The following CDH13 variants were observed in gnomAD, a reference collection of about 807,000 sequenced individuals.
CDH13 encodes cadherin 13.
Under a neutral mutation model 63.8 loss-of-function variants are expected in CDH13, and 24 were observed. The observed-to-expected ratio is 0.38, with a 90% CI of 0.27 to 0.53. The LOEUF (loss-of-function observed/expected upper bound fraction) is 0.53. CDH13 is among the 20% of genes least tolerant of loss of function. The probability of loss-of-function intolerance (pLI) is 0.85; values close to 1 mark genes in which losing one functional copy is unlikely to be tolerated. For missense variants in CDH13, 1,049 were observed against 903.1 expected (o/e 1.16, Z -2.07); for synonymous variants, 503 against 355.3 (o/e 1.42, Z -4.67).
At chr16:82,716,051 T>C (rs909471608) in intron 1 of CDH13, among the ~76,000 whole-genome samples, 3 of 152,292 alleles carry the variant, frequency 2.0e-5, no homozygotes, top group Non-Finnish European at 4.4e-5. Context: ...TAAAGTCGGA[T>C]AAGGAAATGA....
At chr16:82,874,143 A>C (rs1353972170) in intron 2 of CDH13, among the ~76,000 whole-genome samples, 1 of 152,130 alleles carries the variant, frequency 6.6e-6, no homozygotes. Context: ...AAAACATATG[A>C]ATGTTTACCC....
intron 5 of CDH13, among the ~76,000 whole-genome samples, chr16:83,221,173 A>G (rs1261433975): frequency 6.6e-6 from 1 of 152,218 alleles, no homozygotes; most frequent in Non-Finnish European, 1.5e-5. Context: ...TTTTATATCT[A>G]ATCTGCAAAT....
At chr16:83,100,035 G>A (rs1458238314) in intron 3 of CDH13, among the ~76,000 whole-genome samples, 2 of 152,084 alleles carry the variant, frequency 1.3e-5, no homozygotes, top group African/African-American at 4.8e-5. Context: ...ACACAATTTA[G>A]CATCTCGATG....
intron 6 of CDH13, among the ~76,000 whole-genome samples, chr16:83,372,687 G>A (rs563424845): frequency 1.3e-4 from 20 of 150,204 alleles, no homozygotes; most frequent in African/African-American, 4.7e-4. Context: ...GGGAGGCAGA[G>A]GTTGCAGTGA....
intron 8 of CDH13, among the ~76,000 whole-genome samples, chr16:83,627,239 G>A (rs947595830): frequency 6.6e-6 from 1 of 152,034 alleles, no homozygotes; most frequent in Non-Finnish European, 1.5e-5. Flanking sequence ...GCAGTGAGCC[G>A]AGATTGTGCG....
At chr16:83,593,236 A>T (rs1598343192) in intron 7 of CDH13, among the ~76,000 whole-genome samples, 1 of 152,222 alleles carries the variant, frequency 6.6e-6, no homozygotes, top group African/African-American at 2.4e-5. Context: ...ATTCCATTAC[A>T]TCTTTGCTAT....
intron 1 of CDH13, among the ~76,000 whole-genome samples, chr16:82,771,821 G>T (rs910784597): frequency 1.3e-5 from 2 of 152,252 alleles, no homozygotes; most frequent in East Asian, 3.8e-4. Context: ...GTCATCTCAA[G>T]CGAAGTTCCA....
Position 83,372,549 on chromosome 16 carries a change from T to A in CDH13, c.781+27543T>A, listed in dbSNP as rs138515672. Among the ~76,000 whole-genome samples, 767 of 151,972 alleles carry A rather than the reference T, an allele frequency of 5.0e-3. 6 individuals are homozygous for A. The highest frequency in any genetic ancestry group is 0.017 in the African/African-American group (706 of 41,438). On this transcript the variant is annotated intron_variant, in intron 6 of 13. Coordinates refer to ENST00000567109, the MANE Select transcript of CDH13 (RefSeq NM_001257.5). ...CAGGTGGACCACGAGGTCAAGAGAT[T>A]GAGACCATCCTGGCCAACATGGTGA...
chr16:82,906,878 T>G (rs541541487), intron 2 of CDH13, among the ~76,000 whole-genome samples: 3 of 152,194 alleles, frequency 2.0e-5, no homozygotes, highest in Non-Finnish European at 4.4e-5. Context: ...TCTGTCTGTG[T>G]GTCCTCATGT....
At chr16:83,158,020 C>A (rs1444871524) in intron 4 of CDH13, among the ~76,000 whole-genome samples, 2 of 152,138 alleles carry the variant, frequency 1.3e-5, no homozygotes, top group African/African-American at 4.8e-5. Flanking sequence ...ATGCCGTGAA[C>A]TCATTCCAGG....
intron 2 of CDH13, among the ~76,000 whole-genome samples, chr16:82,901,726 A>G (rs1480191057): frequency 1.3e-5 from 2 of 152,260 alleles, no homozygotes. Context: ...AATGTATTAC[A>G]TAGATAAAAT....
chr16:83,185,270 A>G (rs2038483795), intron 4 of CDH13, among the ~76,000 whole-genome samples: 1 of 152,146 alleles, frequency 6.6e-6, no homozygotes, highest in Non-Finnish European at 1.5e-5. Flanking sequence ...CTTTGAGCAA[A>G]ACTTCTGATG....
intron 7 of CDH13, among the ~76,000 whole-genome samples, chr16:83,569,128 A>G (rs1598303842): frequency 6.6e-6 from 1 of 152,112 alleles, no homozygotes; most frequent in African/African-American, 2.4e-5. Flanking sequence ...CCACAAACCT[A>G]TGAGGACCTT....
chr16:82,939,922 A>G (rs1284353382), intron 2 of CDH13, among the ~76,000 whole-genome samples: 2 of 152,190 alleles, frequency 1.3e-5, no homozygotes, highest in African/African-American at 4.8e-5. Flanking sequence ...AAGAGGTTTG[A>G]TGGACTCACA....
At chr16:83,704,692 T>A (rs112991806) in intron 10 of CDH13, among the ~76,000 whole-genome samples, 1 of 152,236 alleles carries the variant, frequency 6.6e-6, no homozygotes, top group Non-Finnish European at 1.5e-5. Context: ...TAAGCTCTGA[T>A]AGAAAATTGT....
intron 1 of CDH13, among the ~76,000 whole-genome samples, chr16:82,804,085 G>A (rs578021262): frequency 1.4e-5 from 2 of 145,224 alleles, no homozygotes; most frequent in East Asian, 3.9e-4. Flanking sequence ...AAAATTAGCT[G>A]GGCGTGGTGG....
intron 2 of CDH13, among the ~76,000 whole-genome samples, chr16:82,916,980 C>T (rs2042009430): frequency 6.6e-6 from 1 of 152,224 alleles, no homozygotes; most frequent in African/African-American, 2.4e-5. Flanking sequence ...GATATTCCCG[C>T]ATCCACACTC....
rs139094203 is a variant in CDH13 at position 82,982,862 on chromosome 16, C to G, written c.158-49148C>G. ...GATGAAGAGTCTTTCTGTCAACTTT[C>G]AGTGAGAAGAAGTAAATAAAACAGC... On this transcript the variant is annotated intron_variant, in intron 2 of 13. Coordinates refer to ENST00000567109, the MANE Select transcript of CDH13 (RefSeq NM_001257.5). 1.9e-3 allele frequency among the ~76,000 whole-genome samples: 288 copies of G among 152,266 alleles called. 2 individuals carry two copies. Among genetic ancestry groups the G allele is most frequent in the African/African-American group, 6.6e-3 (273 of 41,558 alleles).
chr16:83,486,518 C>A lies in CDH13; in HGVS notation c.823C>A (p.Pro275Thr). ...MRMTAFDADD[P>T]ATDNALLRYN... Reference sequence around the variant, plus strand: ...GATGACAGCCTTTGATGCAGATGACCCAGCCACCGATAATGCCCTCCTGCG... The same window carrying A: ...GATGACAGCCTTTGATGCAGATGACACAGCCACCGATAATGCCCTCCTGCG... Residue 275 changes from proline to threonine, a missense_variant, in exon 7 of 14, where the codon CCA (proline) becomes ACA (threonine). Physicochemically the swap from Pro to Thr is conservative, Grantham distance 38. Transcript: ENST00000567109. The A allele has an allele frequency of 6.2e-7, 1 of 1,613,810 alleles. No homozygotes were observed. The highest frequency in any genetic ancestry group is 8.5e-7 in the Non-Finnish European group (1 of 1,179,806).
Sources: allele counts gnomAD v4.1 joint callset (sites outside exome capture counted in the v4.1 genomes callset), GRCh38; gene constraint gnomAD v4.1.1; transcripts MANE v1.5; gene names NCBI Gene and HGNC (gene_info 2026-07-23, HGNC 2026-07-21).